ZHX3: variants seen among roughly 807,000 people sequenced by gnomAD.
The protein encoded by ZHX3 is zinc fingers and homeoboxes protein 3.
A neutral mutation model predicts 64.5 loss-of-function variants in ZHX3; 20 were observed. The ratio of observed to expected loss-of-function variants is 0.31; its 90% CI spans 0.22 to 0.45. ZHX3 has a LOEUF of 0.45. Ranked by LOEUF, ZHX3 falls within the 20% of genes least tolerant of loss-of-function variation. The pLI is 1.00. For synonymous variants in ZHX3, 423 were observed against 461.6 expected, an observed-to-expected ratio of 0.92 and a Z score of 1.07; for missense variants, 1,041 against 1,195.8, an observed-to-expected ratio of 0.87 and a Z score of 1.91.
At chr20:41,287,719 T>C (rs2044007951) in intron 1 of ZHX3, among the ~76,000 whole-genome samples, 1 of 152,182 alleles carries the variant, frequency 6.6e-6, no homozygotes, top group Non-Finnish European at 1.5e-5. Flanking sequence ...ATCCCTGTCC[T>C]GAATCAATCC....
At position 41,202,397 on chromosome 20, in the gene ZHX3, C is replaced by A. The variant is rs763161568; in HGVS notation, c.2520G>T (p.Leu840=). 4.3e-6 allele frequency: 7 copies of A among 1,614,194 alleles called. No individual in the cohort carries two copies. The South Asian group carries it at 7.7e-5, about 18-fold the overall frequency. The change falls in exon 3 of 4, where the codon CTG becomes CTT. Residue 840 remains leucine, a synonymous_variant. Transcript: ENST00000683867. The surrounding 1 kb of genome is among the most constrained non-coding windows in gnomAD (Gnocchi z 7.0). ...GCTCCCGGTTGCCAGGGGCAATGACCAGTAGCCCTGGTGGGAAGTTGCCTC... is the reference window on the plus strand; with the variant it reads ...GCTCCCGGTTGCCAGGGGCAATGACAAGTAGCCCTGGTGGGAAGTTGCCTC... ...YKRGNFPPGL[L]VIAPGNRELL... is the part of the protein sequence containing the mutation.
At chr20:41,234,811 C>A (rs2146407409) in intron 2 of ZHX3, among the ~76,000 whole-genome samples, 1 of 152,324 alleles carries the variant, frequency 6.6e-6, no homozygotes, top group African/African-American at 2.4e-5. Context: ...CCAGGCCTTC[C>A]TGCTGGCATT....
chr20:41,222,739 TA>T (rs2040025573), intron 2 of ZHX3, among the ~76,000 whole-genome samples: 1 of 152,210 alleles, frequency 6.6e-6, no homozygotes, highest in South Asian at 2.1e-4. Context: ...ATTACTTTAT[TA>T]AATTTAAAAC....
At chr20:41,275,950 T>C (rs1468627173) in intron 1 of ZHX3, among the ~76,000 whole-genome samples, 1 of 152,068 alleles carries the variant, frequency 6.6e-6, no homozygotes, top group Non-Finnish European at 1.5e-5. Context: ...AAACAAAGAT[T>C]CAGAGGATGG....
At chr20:41,274,033 ACTT>A in intron 1 of ZHX3, among the ~76,000 whole-genome samples, 1 of 152,312 alleles carries the variant, frequency 6.6e-6, no homozygotes, top group Non-Finnish European at 1.5e-5. Context: ...TGATACACTA[ACTT>A]CTTTAGCTGT....
Position 41,203,113 on chromosome 20 carries a change from G to C in ZHX3, c.1804C>G (p.Arg602Gly), listed in dbSNP as rs758183955. The stretch of plus-strand genomic sequence containing the variant: ...TCAGGAGTCTGGTGCCAAGATTGTC[G>C]TTTGGCAGAAGGGTGGGTTGCTAGT... ...ATLATHPSAK[R>G]QSWHQTPDFT... Residue 602 changes from arginine to glycine, a missense_variant, in exon 3 of 4, where the codon CGA (arginine) becomes GGA (glycine). Physicochemically the swap from Arg to Gly is moderately radical, Grantham distance 125. Coordinates refer to ENST00000683867, the MANE Select transcript of ZHX3 (RefSeq NM_001384317.1). This position sits in a 1 kb window ranked among gnomAD's most constrained non-coding sequence, Gnocchi z 7.1. The C allele has an allele frequency of 6.2e-7, 1 of 1,613,980 alleles. No individual in the cohort carries two copies. Among genetic ancestry groups the C allele is most frequent in the African/African-American group, 1.3e-5 (1 of 74,886 alleles).
intron 1 of ZHX3, among the ~76,000 whole-genome samples, chr20:41,296,292 C>T (rs978786925): frequency 1.4e-5 from 2 of 143,772 alleles, no homozygotes; most frequent in Non-Finnish European, 3.0e-5. Context: ...CTGTTACAGT[C>T]CTCACTGTTC....
chr20:41,264,259 A>G (rs903231559), intron 2 of ZHX3, among the ~76,000 whole-genome samples: 1 of 151,658 alleles, frequency 6.6e-6, no homozygotes, highest in African/African-American at 2.4e-5. Flanking sequence ...AATACAAAAA[A>G]AAAATTATGA....
At chr20:41,237,823 G>A (rs370775771) in intron 2 of ZHX3, among the ~76,000 whole-genome samples, 2 of 152,146 alleles carry the variant, frequency 1.3e-5, no homozygotes, top group South Asian at 2.1e-4. Flanking sequence ...TTATAATGGC[G>A]GTGATCAATA....
chr20:41,224,012 A>C lies in ZHX3; in HGVS notation c.-150-18946T>G, dbSNP rs888530590. Among the ~76,000 whole-genome samples, 1 of 152,228 alleles carries C rather than the reference A, an allele frequency of 6.6e-6. No homozygotes were observed. The highest frequency in any genetic ancestry group is 2.4e-5 in the African/African-American group (1 of 41,462). On this transcript the variant is annotated intron_variant, in intron 2 of 3. Transcript: ENST00000683867. The surrounding 1 kb of genome is among the most constrained non-coding windows in gnomAD (Gnocchi z 5.2). ...ATATTGCATTTGCCTCTGGCCATAA[A>C]GCCATAGTTCAAAAATAACTTAGAG...
chr20:41,271,557 A>G (rs1031653531), intron 1 of ZHX3, among the ~76,000 whole-genome samples: 1 of 152,204 alleles, frequency 6.6e-6, no homozygotes, highest in African/African-American at 2.4e-5. Flanking sequence ...CATAAGAGGA[A>G]GCAGGTAGGA....
At chr20:41,244,633 G>A (rs1273920157) in intron 2 of ZHX3, among the ~76,000 whole-genome samples, 1 of 152,196 alleles carries the variant, frequency 6.6e-6, no homozygotes, top group Non-Finnish European at 1.5e-5. Context: ...GGAGAGGATG[G>A]ATTCTAGACC....
At chr20:41,220,750 G>C (rs978039075) in intron 2 of ZHX3, among the ~76,000 whole-genome samples, 15 of 152,040 alleles carry the variant, frequency 9.9e-5, no homozygotes, top group African/African-American at 3.6e-4. Context: ...CTGGAGTGCA[G>C]TGGTACAATC....
At chr20:41,206,548 G>C (rs1416469563) in intron 2 of ZHX3, among the ~76,000 whole-genome samples, 1 of 152,188 alleles carries the variant, frequency 6.6e-6, no homozygotes, top group African/African-American at 2.4e-5. Flanking sequence ...GGAAGAAAGA[G>C]TATCAGTGAT....
Position 41,212,854 on chromosome 20 carries a change from A to T in ZHX3, c.-150-7788T>A, listed in dbSNP as rs2039266172. On this transcript the variant is annotated intron_variant, in intron 2 of 3. Transcript: ENST00000683867. The surrounding 1 kb of genome is among the most constrained non-coding windows in gnomAD (Gnocchi z 4.3). ...AAAAAAACAAAACACCAGCAATTTAATTCCTAAGTATATACACAGTATAAA... is the reference window on the plus strand; with the variant it reads ...AAAAAAACAAAACACCAGCAATTTATTTCCTAAGTATATACACAGTATAAA... Among the ~76,000 whole-genome samples, 1 of 152,074 alleles carries T rather than the reference A, an allele frequency of 6.6e-6. No individual in the cohort carries two copies. Among genetic ancestry groups the T allele is most frequent in the Admixed American group, 6.6e-5 (1 of 15,246 alleles).
At chr20:41,285,591 T>C (rs1210516541) in intron 1 of ZHX3, among the ~76,000 whole-genome samples, 1 of 152,242 alleles carries the variant, frequency 6.6e-6, no homozygotes, top group Non-Finnish European at 1.5e-5. Flanking sequence ...AGAAGTCCAG[T>C]TTAATTTACT....
chr20:41,292,013 TAAAAAAAAA>T (rs61168786), intron 1 of ZHX3, among the ~76,000 whole-genome samples: 5 of 94,720 alleles, frequency 5.3e-5, no homozygotes, highest in Admixed American at 2.8e-4. Flanking sequence ...ACCTCATCTT[TAAAAAAAAA>T]AAAAAAAAAA....
chr20:41,272,026 C>G (rs1312799868), intron 1 of ZHX3: 1 of 152,098 alleles, frequency 6.6e-6, no homozygotes, highest in African/African-American at 2.4e-5. Flanking sequence ...ATTCCATCTC[C>G]AAATAGTTAT....
chr20:41,225,544 G>C (rs1035559958), intron 2 of ZHX3, among the ~76,000 whole-genome samples: 1 of 152,148 alleles, frequency 6.6e-6, no homozygotes, highest in African/African-American at 2.4e-5. Flanking sequence ...TTGGAGTACA[G>C]TGGCGTGATC....
Sources: allele counts gnomAD v4.1 joint callset (sites outside exome capture counted in the v4.1 genomes callset), GRCh38; gene constraint gnomAD v4.1.1; non-coding constraint Gnocchi (gnomAD v3.1); transcripts MANE v1.5; gene names NCBI Gene and HGNC (gene_info 2026-07-23, HGNC 2026-07-21).